KCNH7: variants seen among roughly 807,000 people sequenced by gnomAD.
KCNH7 encodes potassium voltage-gated channel subfamily H member 7, also known as voltage-gated inwardly rectifying potassium channel KCNH7.
KCNH7 carries 49 observed loss-of-function variants against 120.8 expected under a neutral mutation model. That is an observed-to-expected ratio of 0.41 (90% CI 0.32 to 0.51). KCNH7 has a LOEUF of 0.51. KCNH7 is among the 20% of genes least tolerant of loss of function. The pLI, the probability that KCNH7 is intolerant of heterozygous loss-of-function variation, is 0.38. For synonymous variants in KCNH7, 547 were observed against 516.1 expected (o/e 1.06, Z -0.81); for missense variants, 1,097 against 1,446.6 (o/e 0.76, Z 3.92).
At chr2:162,509,181 A>T (rs1336085929) in intron 5 of KCNH7, among the ~76,000 whole-genome samples, 1 of 151,586 alleles carries the variant, frequency 6.6e-6, no homozygotes, top group African/African-American at 2.4e-5. Context: ...ACTGGGAAGA[A>T]TTTTAAAGAT....
intron 2 of KCNH7, among the ~76,000 whole-genome samples, chr2:162,701,059 A>C (rs1186936624): frequency 6.6e-6 from 1 of 152,192 alleles, no homozygotes; most frequent in Admixed American, 6.6e-5. Context: ...AAGGACAATC[A>C]CATTGCATCC....
intron 8 of KCNH7, among the ~76,000 whole-genome samples, chr2:162,429,356 TAAGACATTTAGAAATGA>T (rs1371283307): frequency 7.0e-6 from 1 of 143,430 alleles, no homozygotes; most frequent in African/African-American, 2.7e-5. Flanking sequence ...AATTATTTTT[TAAGACATTTAGAAATGA>T]GGAAAAAGTC....
intron 3 of KCNH7, among the ~76,000 whole-genome samples, chr2:162,526,316 G>C (rs778214641): frequency 6.6e-6 from 1 of 151,772 alleles, no homozygotes; most frequent in Non-Finnish European, 1.5e-5. Flanking sequence ...GTGAAGTTTC[G>C]GGCACTCATT....
At chr2:162,747,851 A>G (rs1688367663) in intron 2 of KCNH7, among the ~76,000 whole-genome samples, 1 of 152,194 alleles carries the variant, frequency 6.6e-6, no homozygotes, top group Non-Finnish European at 1.5e-5. Context: ...AGAACTACTT[A>G]AAGTACTTTC....
intron 6 of KCNH7, among the ~76,000 whole-genome samples, chr2:162,498,951 AT>A (rs1051484645): frequency 6.6e-6 from 1 of 151,742 alleles, no homozygotes; most frequent in Admixed American, 6.6e-5. Flanking sequence ...TCTTCCTTTC[AT>A]TTTTTTGCTT....
chr2:162,577,310 T>G (rs1693706435), intron 2 of KCNH7, among the ~76,000 whole-genome samples: 1 of 146,528 alleles, frequency 6.8e-6, no homozygotes. Context: ...TCTATCTATC[T>G]ATCTATCTAT....
intron 3 of KCNH7, among the ~76,000 whole-genome samples, chr2:162,532,750 T>C (rs1423848813): frequency 2.6e-5 from 4 of 151,796 alleles, no homozygotes; most frequent in Non-Finnish European, 4.4e-5. Context: ...AAAAGAAAAG[T>C]AAGAAGTATA....
At chr2:162,682,118 T>C (rs1185091989) in intron 2 of KCNH7, among the ~76,000 whole-genome samples, 2 of 151,702 alleles carry the variant, frequency 1.3e-5, no homozygotes, top group East Asian at 3.9e-4. Context: ...TGGAATGCAG[T>C]ACCTACTCCA....
chr2:162,516,109 G>A (rs760912340), intron 4 of KCNH7, among the ~76,000 whole-genome samples: 3 of 151,728 alleles, frequency 2.0e-5, no homozygotes, highest in Non-Finnish European at 4.4e-5. Flanking sequence ...TATTTATCGC[G>A]TATCTGCCAT....
intron 2 of KCNH7, among the ~76,000 whole-genome samples, chr2:162,781,587 C>T (rs1195942590): frequency 1.3e-5 from 2 of 151,948 alleles, no homozygotes; most frequent in African/African-American, 2.4e-5. Context: ...GGGGAGACAG[C>T]AGTGATGTGG....
intron 2 of KCNH7, among the ~76,000 whole-genome samples, chr2:162,822,097 T>C (rs1349812730): frequency 1.7e-5 from 1 of 59,376 alleles, no homozygotes; most frequent in East Asian, 6.4e-4. Flanking sequence ...ATCTCCACAA[T>C]AAAGCCCCTA....
At chr2:162,617,329 A>G (rs1241785685) in intron 2 of KCNH7, among the ~76,000 whole-genome samples, 2 of 152,020 alleles carry the variant, frequency 1.3e-5, no homozygotes, top group East Asian at 3.9e-4. Context: ...AATACAAAAA[A>G]TTAGCCGGGC....
At chr2:162,483,975 G>C in intron 6 of KCNH7, among the ~76,000 whole-genome samples, 1 of 152,130 alleles carries the variant, frequency 6.6e-6, no homozygotes, top group Middle Eastern at 3.2e-3. Context: ...TCAAATGGAA[G>C]TGCCAAGTGG....
chr2:162,670,867 G>A (rs1685327273), intron 2 of KCNH7, among the ~76,000 whole-genome samples: 1 of 151,628 alleles, frequency 6.6e-6, no homozygotes, highest in Admixed American at 6.6e-5. Flanking sequence ...TTAACTTAAA[G>A]AAAAAGATTA....
chr2:162,676,991 A>G (rs1335777402), intron 2 of KCNH7, among the ~76,000 whole-genome samples: 1 of 151,536 alleles, frequency 6.6e-6, no homozygotes, highest in African/African-American at 2.4e-5. Flanking sequence ...TAGTTAAAAT[A>G]ATAATAAATT....
intron 8 of KCNH7, among the ~76,000 whole-genome samples, chr2:162,425,141 C>G (rs1382198392): frequency 6.6e-6 from 1 of 152,074 alleles, no homozygotes; most frequent in Non-Finnish European, 1.5e-5. Flanking sequence ...GACTTGCGCT[C>G]CGACTCAGAC....
At chr2:162,432,799 G>A (rs760365452) in intron 8 of KCNH7, among the ~76,000 whole-genome samples, 32 of 152,004 alleles carry the variant, frequency 2.1e-4, no homozygotes, top group Non-Finnish European at 4.3e-4. Flanking sequence ...AGCACTGGAA[G>A]TCCTAGCTAG....
chr2:162,836,154 G>A (rs1279560915), intron 2 of KCNH7, among the ~76,000 whole-genome samples: 1 of 152,152 alleles, frequency 6.6e-6, no homozygotes, highest in African/African-American at 2.4e-5. Context: ...AATTTGCTTT[G>A]TGGAGTATTT....
intron 2 of KCNH7, among the ~76,000 whole-genome samples, chr2:162,643,963 T>G (rs1376517334): frequency 6.6e-6 from 1 of 152,114 alleles, no homozygotes; most frequent in African/African-American, 2.4e-5. Flanking sequence ...TCTAACTCGT[T>G]ATTTAGTGGG....
Sources: allele counts gnomAD v4.1 joint callset (sites outside exome capture counted in the v4.1 genomes callset), GRCh38; gene constraint gnomAD v4.1.1; transcripts MANE v1.5; gene names NCBI Gene and HGNC (gene_info 2026-07-23, HGNC 2026-07-21).